The following WASF3 variants were observed in gnomAD, a reference collection of about 807,000 sequenced individuals.
WASF3 encodes the protein WASP family member 3.
WASF3 carries 11 observed loss-of-function variants against 46.6 expected under a neutral mutation model. The observed-to-expected ratio is 0.24, with a 90% CI of 0.15 to 0.39. WASF3 has a LOEUF of 0.39. Among genes scored for constraint, WASF3 ranks in the 10% least tolerant of loss-of-function variants. The pLI is 1.00. For missense variants in WASF3, 576 were observed against 669.8 expected (o/e 0.86, Z 1.55); for synonymous variants, 242 against 259.7 (o/e 0.93, Z 0.65).
rs17548396 is a variant in WASF3, at chr13:26,686,694, C to T, written c.*849C>T. 0.17 allele frequency: 26,189 copies of T among 152,452 alleles called. 2,583 individuals are homozygous for T. Among genetic ancestry groups the T allele is most frequent in the South Asian group, 0.26 (1,271 of 4,818 alleles). The allele number at this position is 152,452 out of a possible 1,614,324, so 9.4% of individuals were successfully genotyped here. A position where few individuals can be genotyped will look rare whatever the true frequency, so the allele number is the denominator to read the frequency against. On this transcript the variant is annotated 3_prime_UTR_variant, in exon 10 of 10. Transcript: ENST00000335327. ...CAGTCCATGACTCTGGGAGCTACAC[C>T]GCTGAGCTGGGCAGAGCTGCGGCAC...
At chr13:26,608,888 C>A (rs545108831) in intron 1 of WASF3, among the ~76,000 whole-genome samples, 2 of 151,914 alleles carry the variant, frequency 1.3e-5, no homozygotes, top group East Asian at 1.9e-4. Context: ...GAACATTATA[C>A]GTGAATAGTT....
chr13:26,563,838 C>G (rs1879377903), intron 1 of WASF3, among the ~76,000 whole-genome samples: 1 of 150,262 alleles, frequency 6.7e-6, no homozygotes, highest in African/African-American at 2.5e-5. Context: ...CACAGACATT[C>G]TAGGGTATTT....
chr13:26,613,169 A>C (rs1881028797), intron 2 of WASF3, 111 bp downstream of exon 2: 1 of 150,020 alleles, frequency 6.7e-6, no homozygotes, highest in Admixed American at 6.6e-5. Flanking sequence ...TTGAATATTA[A>C]ATATTTAATA....
Position 26,557,758 on chromosome 13 carries a change from G to C in WASF3, c.-170G>C, listed in dbSNP as rs938908413. On this transcript the variant is annotated 5_prime_UTR_variant, in exon 1 of 10. Coordinates refer to ENST00000335327, the MANE Select transcript of WASF3 (RefSeq NM_006646.6). ...CGAGGCGGGTGCGCCGGGCGGCCGCGGCGCGGCGGGACCATGGAGCTCAGA... is the reference window on the plus strand; with the variant it reads ...CGAGGCGGGTGCGCCGGGCGGCCGCCGCGCGGCGGGACCATGGAGCTCAGA... 3.3e-4 allele frequency: 79 copies of C among 239,942 alleles called. No individual in the cohort carries two copies. Among genetic ancestry groups the C allele is most frequent in the Non-Finnish European group, 5.5e-4 (69 of 126,590 alleles). The allele number at this position is 239,942 out of a possible 1,614,324, so 14.9% of individuals were successfully genotyped here.
intron 1 of WASF3, among the ~76,000 whole-genome samples, chr13:26,575,463 T>C (rs1369579480): frequency 6.6e-6 from 1 of 152,216 alleles, no homozygotes; most frequent in Non-Finnish European, 1.5e-5. Flanking sequence ...GGATGTTCCA[T>C]TGAATGTAAT....
upstream of WASF3, among the ~76,000 whole-genome samples, chr13:26,554,096 C>CTTTTTCTTTCTTTCTTTCT (rs1555245931): frequency 2.7e-4 from 2 of 7,372 alleles, no homozygotes; most frequent in African/African-American, 7.5e-4. Flanking sequence ...TCCTTCCTTC[C>CTTTTTCTTTCTTTCTTTCT]TTCTTTCTTT....
the WASF3 span, among the ~76,000 whole-genome samples, chr13:26,539,794 C>A: frequency 3.3e-5 from 5 of 152,292 alleles, no homozygotes; most frequent in East Asian, 9.7e-4. Context: ...GGCCCAGCCC[C>A]CATTCCTGGT....
At chr13:26,555,789 A>C (rs1307226281), upstream of WASF3, among the ~76,000 whole-genome samples, 2 of 152,194 alleles carry the variant, frequency 1.3e-5, no homozygotes, top group African/African-American at 2.4e-5. Flanking sequence ...TTGTGATAAG[A>C]AGCACTCCTA....
Position 26,667,739 on chromosome 13 carries a change from C to T in WASF3, c.422+69C>T, listed in dbSNP as rs533722401. On this transcript the variant is annotated intron_variant, in intron 5 of 9. Transcript: ENST00000335327. ...AGAGCTGGGCAGAGCTGGGAGCAAG[C>T]TGATGCATTGTGTGGGAATGTCCTT... The T allele has an allele frequency of 4.1e-6, 6 of 1,473,044 alleles. No individual in the cohort carries two copies. In the African/African-American group the frequency reaches 4.2e-5, roughly 10 times the overall value. 91.2% of individuals were successfully genotyped at this position (1,473,044 alleles called of 1,614,324 possible). A position where few individuals can be genotyped will look rare whatever the true frequency, so the allele number is the denominator to read the frequency against.
intron 1 of WASF3, among the ~76,000 whole-genome samples, chr13:26,572,251 C>T (rs574067854): frequency 6.6e-6 from 1 of 152,270 alleles, no homozygotes; most frequent in South Asian, 2.1e-4. Flanking sequence ...AGTGGGCATT[C>T]GTATCTGGTT....
At chr13:26,676,437 T>A in intron 6 of WASF3, 112 bp from the exon 7 acceptor site, 1 of 1,160,650 alleles carries the variant, frequency 8.6e-7, no homozygotes, top group Non-Finnish European at 1.2e-6. Flanking sequence ...GAAATGCGAA[T>A]GTGTCTTGTC....
intron 1 of WASF3, among the ~76,000 whole-genome samples, chr13:26,611,031 C>CTTTTTT (rs71080282): frequency 1.2e-4 from 13 of 110,538 alleles, no homozygotes; most frequent in African/African-American, 1.7e-4. Flanking sequence ...TTACTTACTC[C>CTTTTTT]TTTTTTTTTT....
chr13:26,570,511 C>CT (rs1205199851), intron 1 of WASF3, among the ~76,000 whole-genome samples: 1 of 151,916 alleles, frequency 6.6e-6, no homozygotes, highest in African/African-American at 2.4e-5. Context: ...TCTTATTTAC[C>CT]TTTTTTTCAA....
intron 1 of WASF3, among the ~76,000 whole-genome samples, chr13:26,597,824 C>T: frequency 6.6e-6 from 1 of 152,162 alleles, no homozygotes; most frequent in East Asian, 1.9e-4. Context: ...CATAGTATTC[C>T]ATGGTGTATA....
At chr13:26,627,801 G>C (rs1457400352) in intron 2 of WASF3, among the ~76,000 whole-genome samples, 4 of 151,048 alleles carry the variant, frequency 2.6e-5, no homozygotes, top group Non-Finnish European at 5.9e-5. Flanking sequence ...ACGAGTTAGT[G>C]GGTGCAGCAC....
chr13:26,625,783 T>C (rs1391806869), intron 2 of WASF3, among the ~76,000 whole-genome samples: 3 of 152,194 alleles, frequency 2.0e-5, no homozygotes, highest in Admixed American at 6.5e-5. Context: ...TACATTATTC[T>C]AAAGTTACAG....
chr13:26,652,390 G>A (rs1264154159), intron 3 of WASF3, among the ~76,000 whole-genome samples: 1 of 152,102 alleles, frequency 6.6e-6, no homozygotes, highest in South Asian at 2.1e-4. Context: ...AGAACTGAGG[G>A]GAGAAGTAGG....
upstream of WASF3, among the ~76,000 whole-genome samples, chr13:26,554,847 G>A (rs181753697): frequency 5.3e-5 from 8 of 152,098 alleles, no homozygotes; most frequent in Non-Finnish European, 8.8e-5. Flanking sequence ...ATAAACATTC[G>A]GGTACAAGTT....
chr13:26,572,330 A>G (rs1879663561), intron 1 of WASF3, among the ~76,000 whole-genome samples: 1 of 152,210 alleles, frequency 6.6e-6, no homozygotes, highest in Non-Finnish European at 1.5e-5. Flanking sequence ...CACCGTGTGT[A>G]TGTGCGTGCA....
Sources: allele counts gnomAD v4.1 joint callset (sites outside exome capture counted in the v4.1 genomes callset), GRCh38; gene constraint gnomAD v4.1.1; transcripts MANE v1.5; gene names NCBI Gene and HGNC (gene_info 2026-07-23, HGNC 2026-07-21).